The following CIMIP7 variants were observed in gnomAD, a reference collection of about 807,000 sequenced individuals.
CIMIP7 encodes ciliary microtubule inner protein 7, also known as uncharacterized protein C3orf84.
the CIMIP7 span, chr3:49,178,076 G>T: frequency 1.9e-6 from 3 of 1,549,044 alleles, no homozygotes; most frequent in South Asian, 2.4e-5. Flanking sequence ...TGGGCCCTTG[G>T]CCCACATTCC....
chr3:49,180,740 C>T, the CIMIP7 span, among the ~76,000 whole-genome samples: 24 of 151,588 alleles, frequency 1.6e-4, no homozygotes, highest in Non-Finnish European at 3.4e-4. Context: ...ACCATCCTGG[C>T]TATCATGGTG....
At chr3:49,183,698 A>G in the CIMIP7 span, among the ~76,000 whole-genome samples, 2 of 152,316 alleles carry the variant, frequency 1.3e-5, no homozygotes, top group South Asian at 4.2e-4. Flanking sequence ...TGCAACTACC[A>G]CATGACCCAG....
the CIMIP7 span, among the ~76,000 whole-genome samples, chr3:49,186,214 G>C: frequency 1.3e-5 from 2 of 150,894 alleles, no homozygotes; most frequent in Non-Finnish European, 2.9e-5. Flanking sequence ...GGTCAGGCTG[G>C]TCTTGAACTC....
the CIMIP7 span, among the ~76,000 whole-genome samples, chr3:49,178,313 G>T: frequency 6.6e-6 from 1 of 152,308 alleles, no homozygotes; most frequent in South Asian, 2.1e-4. Flanking sequence ...CTGTTTGGGG[G>T]AATAGGCTGT....
At chr3:49,184,594 A>T in the CIMIP7 span, among the ~76,000 whole-genome samples, 1 of 151,198 alleles carries the variant, frequency 6.6e-6, no homozygotes, top group African/African-American at 2.4e-5. Context: ...TGTTGGGATT[A>T]CAGGCATGAC....
chr3:49,185,671 G>A, the CIMIP7 span, among the ~76,000 whole-genome samples: 1 of 151,946 alleles, frequency 6.6e-6, no homozygotes, highest in Non-Finnish European at 1.5e-5. Context: ...AAACTACACA[G>A]GTGATAAAAT....
At chr3:49,184,898 G>A in the CIMIP7 span, among the ~76,000 whole-genome samples, 3 of 151,638 alleles carry the variant, frequency 2.0e-5, no homozygotes, top group Non-Finnish European at 4.4e-5. Flanking sequence ...CCAAGTGCTG[G>A]GATTACAGGC....
chr3:49,190,102 A>G, the CIMIP7 span: 1 of 1,609,442 alleles, frequency 6.2e-7, no homozygotes, highest in East Asian at 2.2e-5. Context: ...TCACTCTTGA[A>G]TTGGCTTCTG....
the CIMIP7 span, chr3:49,177,848 G>A: frequency 1.9e-5 from 31 of 1,613,276 alleles, 1 homozygote; most frequent in South Asian, 2.3e-4. Flanking sequence ...GTATGGGAAG[G>A]CTGGACCTGC....
At chr3:49,180,042 G>A in the CIMIP7 span, among the ~76,000 whole-genome samples, 1 of 152,338 alleles carries the variant, frequency 6.6e-6, no homozygotes, top group Admixed American at 6.5e-5. Flanking sequence ...GGAGGCCGAG[G>A]CGGACAGATC....
chr3:49,184,756 G>A, the CIMIP7 span, among the ~76,000 whole-genome samples: 2 of 151,262 alleles, frequency 1.3e-5, no homozygotes, highest in Admixed American at 1.3e-4. Context: ...AGCCTCCCGA[G>A]TAGCTATGAT....
the CIMIP7 span, among the ~76,000 whole-genome samples, chr3:49,186,667 T>G: frequency 6.6e-6 from 1 of 152,212 alleles, no homozygotes; most frequent in Non-Finnish European, 1.5e-5. Flanking sequence ...CCTCCCAAAG[T>G]GCTGGGATAA....
At chr3:49,191,070 C>T in the CIMIP7 span, among the ~76,000 whole-genome samples, 2 of 152,190 alleles carry the variant, frequency 1.3e-5, no homozygotes, top group Admixed American at 1.3e-4. Flanking sequence ...CGTGTACACT[C>T]TGTGGATGAT....
the CIMIP7 span, among the ~76,000 whole-genome samples, chr3:49,178,276 G>A: frequency 2.0e-5 from 3 of 152,174 alleles, no homozygotes; most frequent in African/African-American, 7.2e-5. Context: ...TGGCAAGTTG[G>A]CAGAGGAAAC....
At chr3:49,189,784 G>C in the CIMIP7 span, 1 of 650,660 alleles carries the variant, frequency 1.5e-6, no homozygotes, top group South Asian at 1.4e-5. Context: ...TACCCACCCC[G>C]GCTAGGCCCT....
the CIMIP7 span, among the ~76,000 whole-genome samples, chr3:49,179,011 G>T: frequency 4.6e-5 from 7 of 152,086 alleles, no homozygotes; most frequent in Non-Finnish European, 1.0e-4. Context: ...GTAGACAACT[G>T]CCTACTCCAC....
the CIMIP7 span, among the ~76,000 whole-genome samples, chr3:49,185,624 G>A: frequency 1.2e-4 from 18 of 151,624 alleles, 1 homozygote; most frequent in Admixed American, 7.2e-4. Flanking sequence ...TGTGATGTTG[G>A]TCTACCATCA....
the CIMIP7 span, among the ~76,000 whole-genome samples, chr3:49,190,388 A>G: frequency 6.6e-6 from 1 of 152,132 alleles, no homozygotes; most frequent in African/African-American, 2.4e-5. Context: ...TGTGTAGGGA[A>G]GGAGTGCCAT....
At chr3:49,185,197 G>T in the CIMIP7 span, among the ~76,000 whole-genome samples, 2 of 151,280 alleles carry the variant, frequency 1.3e-5, no homozygotes, top group Non-Finnish European at 2.9e-5. Context: ...GGAGGCAGAG[G>T]TTGTGGTGAG....
Sources: gnomAD v4.1 joint callset for allele counts (sites outside exome capture counted in the v4.1 genomes callset) on GRCh38, gnomAD v4.1.1 for gene constraint, MANE v1.5 for transcripts, NCBI Gene and HGNC (gene_info 2026-07-23, HGNC 2026-07-21) for gene names.